The following ALCAM variants were observed in gnomAD, a reference collection of about 807,000 sequenced individuals.
The protein encoded by ALCAM is CD166 antigen.
Under a neutral mutation model 70.9 loss-of-function variants are expected in ALCAM, and 30 were observed. The observed-to-expected ratio is 0.42, with a 90% confidence interval of 0.32 to 0.57. The LOEUF is 0.57. Among genes scored for constraint, ALCAM ranks in the 20% least tolerant of loss-of-function variants. The pLI, the probability that ALCAM is intolerant of heterozygous loss-of-function variation, is 0.11. For synonymous variants in ALCAM, 249 were observed against 242.5 expected, an observed-to-expected ratio of 1.03 and a Z score of -0.25; for missense variants, 591 against 695.1, an observed-to-expected ratio of 0.85 and a Z score of 1.68.
At chr3:105,450,632 A>G (rs1937403199) in intron 1 of ALCAM, among the ~76,000 whole-genome samples, 2 of 152,190 alleles carry the variant, frequency 1.3e-5, no homozygotes. Flanking sequence ...GAGTACTTTT[A>G]ATTTGCCATG....
At position 105,367,231 on chromosome 3, in the gene ALCAM, A is replaced by C; in HGVS notation, c.-178A>C. 1.7e-6 allele frequency: 1 copy of C among 600,832 alleles called. No individual in the cohort carries two copies. 37.2% of individuals were successfully genotyped at this position (600,832 alleles called of 1,614,324 possible). A position where few individuals can be genotyped will look rare whatever the true frequency, so the allele number is the denominator to read the frequency against. ...GGAGTTGGGGGCATTGCGTGGTGGAAAGTTGCGTGCGGCAGAGAACCGAAG... is the reference window on the plus strand; with the variant it reads ...GGAGTTGGGGGCATTGCGTGGTGGACAGTTGCGTGCGGCAGAGAACCGAAG... On this transcript the variant is annotated 5_prime_UTR_variant, in exon 1 of 16. Transcript: ENST00000306107.
At chr3:105,397,047 T>G (rs962097998) in intron 1 of ALCAM, among the ~76,000 whole-genome samples, 5 of 152,074 alleles carry the variant, frequency 3.3e-5, no homozygotes, top group Non-Finnish European at 5.9e-5. Flanking sequence ...TAAAATGTAT[T>G]ACTTTGCCTA....
At chr3:105,451,164 T>A (rs1325561150) in intron 1 of ALCAM, among the ~76,000 whole-genome samples, 1 of 151,876 alleles carries the variant, frequency 6.6e-6, no homozygotes, top group Non-Finnish European at 1.5e-5. Flanking sequence ...CTTGGAAGGC[T>A]AAGGTGGGAG....
chr3:105,464,288 T>G (rs911921653), intron 1 of ALCAM, among the ~76,000 whole-genome samples: 1 of 151,362 alleles, frequency 6.6e-6, no homozygotes, highest in African/African-American at 2.4e-5. Context: ...AATATTTTTA[T>G]ATTGTGCATA....
intron 1 of ALCAM, among the ~76,000 whole-genome samples, chr3:105,423,280 G>T (rs1382261514): frequency 1.3e-5 from 2 of 151,074 alleles, no homozygotes; most frequent in Admixed American, 6.6e-5. Context: ...CTTTTTCAGG[G>T]CTTATGAAAA....
At chr3:105,475,367 T>C (rs1320180986) in intron 1 of ALCAM, among the ~76,000 whole-genome samples, 1 of 152,028 alleles carries the variant, frequency 6.6e-6, no homozygotes, top group Admixed American at 6.6e-5. Context: ...TTCTGGTTGC[T>C]CTGAGGAGAA....
At chr3:105,567,405 T>A (rs1420400781) in intron 14 of ALCAM, among the ~76,000 whole-genome samples, 1 of 152,134 alleles carries the variant, frequency 6.6e-6, no homozygotes, top group African/African-American at 2.4e-5. Context: ...CTCACTATCA[T>A]CTCACAGGCC....
chr3:105,557,135 G>T (rs1180599790), intron 14 of ALCAM, among the ~76,000 whole-genome samples: 1 of 151,908 alleles, frequency 6.6e-6, no homozygotes, highest in Non-Finnish European at 1.5e-5. Context: ...CATTTAATTG[G>T]TACTATGGAG....
At chr3:105,378,678 C>A (rs535243573) in intron 1 of ALCAM, among the ~76,000 whole-genome samples, 2 of 148,452 alleles carry the variant, frequency 1.3e-5, no homozygotes, top group South Asian at 4.2e-4. Flanking sequence ...GATTAAATAG[C>A]TTCTCTGATC....
At chr3:105,473,034 G>A (rs189168792) in intron 1 of ALCAM, among the ~76,000 whole-genome samples, 19 of 151,404 alleles carry the variant, frequency 1.3e-4, no homozygotes, top group Admixed American at 1.2e-3. Context: ...TCACATGTTG[G>A]TTGGAAATTT....
intron 1 of ALCAM, among the ~76,000 whole-genome samples, chr3:105,435,009 T>C (rs923389987): frequency 6.6e-6 from 1 of 152,200 alleles, no homozygotes; most frequent in African/African-American, 2.4e-5. Context: ...TGGCTTGCTA[T>C]ATTATAGTCT....
Position 105,370,486 on chromosome 3 carries a change from A to G in ALCAM, c.73+3005A>G, listed in dbSNP as rs534974342. ...AAATAAAAAGACAGACTAGAGGCCT[A>G]CTCTCTGAAATGTCTCCCAGCTCAA... is the stretch of plus-strand genomic sequence containing the variant. On this transcript the variant is annotated intron_variant, in intron 1 of 15. Coordinates refer to ENST00000306107, the MANE Select transcript of ALCAM (RefSeq NM_001627.4). Among the ~76,000 whole-genome samples, 6 of 152,250 alleles carry G rather than the reference A, an allele frequency of 3.9e-5. No homozygotes were observed. In the East Asian group the frequency reaches 9.6e-4, roughly 24 times the overall value.
chr3:105,461,555 T>C (rs941372368), intron 1 of ALCAM, among the ~76,000 whole-genome samples: 2 of 151,800 alleles, frequency 1.3e-5, no homozygotes, highest in Admixed American at 6.6e-5. Flanking sequence ...TCAATGTTGG[T>C]TGAGGTTTAA....
chr3:105,466,246 T>A (rs935746303), intron 1 of ALCAM, among the ~76,000 whole-genome samples: 1 of 151,378 alleles, frequency 6.6e-6, no homozygotes, highest in African/African-American at 2.4e-5. Flanking sequence ...TTGCTCCACC[T>A]AGTAAGTGTC....
chr3:105,570,170 G>A (rs1220204895), intron 14 of ALCAM, among the ~76,000 whole-genome samples: 1 of 152,048 alleles, frequency 6.6e-6, no homozygotes, highest in African/African-American at 2.4e-5. Context: ...TAGAGAAAAA[G>A]TAGGTAAGAT....
intron 1 of ALCAM, among the ~76,000 whole-genome samples, chr3:105,427,347 G>C (rs1312990698): frequency 1.3e-5 from 2 of 151,860 alleles, no homozygotes; most frequent in Admixed American, 6.6e-5. Flanking sequence ...GTAATAAAGA[G>C]GTAGAGAAGA....
In ALCAM at chr3:105,534,756, T is replaced by G; in HGVS notation, c.641T>G (p.Ile214Arg). ...GAGTACAAGACAACCAAGGCTGACA[T>G]ACAAATGCCATTCACCTGCTCGGTG... ...TLEYKTTKAD[I>R]QMPFTCSVTY... The change falls in exon 6 of 16, where the codon ATA (isoleucine) becomes AGA (arginine). Residue 214 changes from isoleucine (I) to arginine (R), a missense_variant. By Grantham distance (97) the Ile-to-Arg change is moderately conservative (BLOSUM62 -3). This residue lies in a region of ALCAM where 427 missense variants were observed against 450.4 expected (regional missense o/e 0.95). Coordinates refer to ENST00000306107, the MANE Select transcript of ALCAM (RefSeq NM_001627.4). 1 of 1,613,856 alleles carries G rather than the reference T, an allele frequency of 6.2e-7. No homozygotes were observed. The highest frequency in any genetic ancestry group is 8.5e-7 in the Non-Finnish European group (1 of 1,179,814).
intron 1 of ALCAM, among the ~76,000 whole-genome samples, chr3:105,471,942 C>T (rs1937943245): frequency 6.6e-6 from 1 of 151,392 alleles, no homozygotes; most frequent in South Asian, 2.1e-4. Flanking sequence ...ATCTTCCCAA[C>T]CTTCTCTCCC....
chr3:105,465,091 A>G (rs1937677476), intron 1 of ALCAM, among the ~76,000 whole-genome samples: 2 of 151,532 alleles, frequency 1.3e-5, no homozygotes, highest in South Asian at 4.1e-4. Flanking sequence ...ATCACTTAGA[A>G]GTTAGAAGAG....
Sources: gnomAD v4.1 joint callset for allele counts (sites outside exome capture counted in the v4.1 genomes callset) on GRCh38, gnomAD v4.1.1 for gene constraint, gnomAD v4.1.1 regional missense constraint, MANE v1.5 for transcripts, NCBI Gene and HGNC (gene_info 2026-07-23, HGNC 2026-07-21) for gene names.